CALM3: variants seen among roughly 807,000 people sequenced by gnomAD.
CALM3 encodes the protein calmodulin 3.
Under a neutral mutation model 20.1 loss-of-function variants are expected in CALM3, and 5 were observed. That is an observed-to-expected ratio of 0.25 (90% CI 0.13 to 0.52). The LOEUF (loss-of-function observed/expected upper bound fraction) is 0.52, where lower values mean the gene tolerates loss of function less well. Ranked by LOEUF, CALM3 falls within the 20% of genes least tolerant of loss-of-function variation. CALM3 has a pLI of 0.96. For missense variants in CALM3, 57 were observed against 192.8 expected (o/e 0.30, Z 4.17); for synonymous variants, 69 against 68.1 (o/e 1.01, Z -0.06).
In CALM3 at chr19:46,610,180, G is replaced by GGCCAGCTGTCCC. The variant is rs1214347571; in HGVS notation, c.*1035_*1036insTCCCGCCAGCTG. On this transcript the variant is annotated 3_prime_UTR_variant, in exon 6 of 6. Transcript: ENST00000291295. Reference sequence around the variant, plus strand: ...GCACCTGCAATAAAACAGTCTTGTCGGCCAGCTGCCCAGGGGACGGCAGCT... The same window carrying GGCCAGCTGTCCC: ...GCACCTGCAATAAAACAGTCTTGTCGGCCAGCTGTCCCGCCAGCTGCCCAGGGGACGGCAGCT... 2 of 152,482 alleles carry GGCCAGCTGTCCC rather than the reference G, an allele frequency of 1.3e-5. No individual in the cohort carries two copies. Among genetic ancestry groups the GGCCAGCTGTCCC allele is most frequent in the Admixed American group, 1.3e-4 (2 of 15,266 alleles). The allele number at this position is 152,482 out of a possible 1,614,324, so 9.4% of individuals were successfully genotyped here.
Position 46,608,697 on chromosome 19 carries a change from C to A in CALM3, c.285+109C>A. On this transcript the variant is annotated intron_variant, in intron 4 of 5. Coordinates refer to ENST00000291295, the MANE Select transcript of CALM3 (RefSeq NM_005184.4). This position sits in a 1 kb window ranked among gnomAD's most constrained non-coding sequence, Gnocchi z 5.5. Reference sequence around the variant, plus strand: ...CTTCCAGGAGGTCCGGGTCCCGGTGCCAGCCTCATTGCCAACCTGCTCTGC... The same window carrying A: ...CTTCCAGGAGGTCCGGGTCCCGGTGACAGCCTCATTGCCAACCTGCTCTGC... 2 of 1,257,264 alleles carry A rather than the reference C, an allele frequency of 1.6e-6. No homozygotes were observed. The highest frequency in any genetic ancestry group is 2.2e-6 in the Non-Finnish European group (2 of 891,316). 77.9% of individuals were successfully genotyped at this position (1,257,264 alleles called of 1,614,324 possible).
chr19:46,601,074 G>GCGGCGAGGGAAAGTAGTC, upstream of CALM3: 2 of 1,238,244 alleles, frequency 1.6e-6, no homozygotes, highest in Non-Finnish European at 2.2e-6. The surrounding 1 kb of genome is among the most constrained non-coding windows in gnomAD (Gnocchi z 4.2). Context: ...GGCGGGGCGC[G>GCGGCGAGGGAAAGTAGTC]CGGCGAGGGA....
upstream of CALM3, chr19:46,601,106 G>A: frequency 2.2e-6 from 2 of 906,236 alleles, no homozygotes; most frequent in Non-Finnish European, 1.6e-6. This position sits in a 1 kb window ranked among gnomAD's most constrained non-coding sequence, Gnocchi z 4.2. Flanking sequence ...CGACGGGAGC[G>A]AGCGCGCGCG....
rs1971623195 is a variant in CALM3 at position 46,601,789 on chromosome 19, T to G, written c.3+352T>G. The stretch of plus-strand genomic sequence containing the variant: ...GGGGCGTTGGGTTTCAGGATGGAGG[T>G]GTTTGGACCCCAGGGGACGAAATAA... On this transcript the variant is annotated intron_variant, in intron 1 of 5. Transcript: ENST00000291295. The surrounding 1 kb of genome is among the most constrained non-coding windows in gnomAD (Gnocchi z 4.2). Among the ~76,000 whole-genome samples the G allele has an allele frequency of 6.6e-6, 1 of 151,224 alleles. No homozygotes were observed. Among genetic ancestry groups the G allele is most frequent in the Admixed American group, 6.6e-5 (1 of 15,214 alleles).
Position 46,605,686 on chromosome 19 carries a change from G to A in CALM3, c.4-141G>A, listed in dbSNP as rs1971727501. 17 of 737,394 alleles carry A rather than the reference G, an allele frequency of 2.3e-5. No individual in the cohort carries two copies. The South Asian group carries it at 2.7e-4, about 12-fold the overall frequency. The allele number at this position is 737,394 out of a possible 1,614,324, so 45.7% of individuals were successfully genotyped here. On this transcript the variant is annotated intron_variant, in intron 1 of 5. Transcript: ENST00000291295. The surrounding 1 kb of genome is among the most constrained non-coding windows in gnomAD (Gnocchi z 4.1). ...AGGCGCTGGCTCTGCCTCAGACCCT[G>A]ACTCTGGCATGCTCCTCCCTGGCCC...
Position 46,608,615 on chromosome 19 carries a change from C to T in CALM3, c.285+27C>T. ...TAAGCAGCCCTCTCCAGGGGCGGCTCTGAGACTGACGCCAGCCTTCAGGCA... is the reference window on the plus strand; with the variant it reads ...TAAGCAGCCCTCTCCAGGGGCGGCTTTGAGACTGACGCCAGCCTTCAGGCA... On this transcript the variant is annotated intron_variant, in intron 4 of 5. Coordinates refer to ENST00000291295, the MANE Select transcript of CALM3 (RefSeq NM_005184.4). The surrounding 1 kb of genome is among the most constrained non-coding windows in gnomAD (Gnocchi z 5.5). The T allele has an allele frequency of 1.3e-6, 2 of 1,554,030 alleles. No individual in the cohort carries two copies. Among genetic ancestry groups the T allele is most frequent in the Non-Finnish European group, 1.8e-6 (2 of 1,125,926 alleles).
At chr19:46,606,454 A>G (rs1396202149) in intron 2 of CALM3, 1 of 152,170 alleles carries the variant, frequency 6.6e-6, no homozygotes, top group African/African-American at 2.4e-5. Flanking sequence ...ACTCTCCTTC[A>G]CATCACTTTA....
intron 2 of CALM3, among the ~76,000 whole-genome samples, chr19:46,607,617 T>C (rs1971770236): frequency 6.6e-6 from 1 of 152,174 alleles, no homozygotes; most frequent in African/African-American, 2.4e-5. Flanking sequence ...CATGTTCTGC[T>C]GCCGACCACC....
rs766718548 is a variant in CALM3, at chr19:46,609,171, G to A, written c.*18G>A. On this transcript the variant is annotated 3_prime_UTR_variant, in exon 6 of 6. Transcript: ENST00000291295. ...CAAAGTGAAGGCCCCCCGGGCAGCTGGCGATGCCCGTTCTCTTGATCTCTC... is the reference window on the plus strand; with the variant it reads ...CAAAGTGAAGGCCCCCCGGGCAGCTAGCGATGCCCGTTCTCTTGATCTCTC... 2.5e-6 allele frequency: 4 copies of A among 1,613,070 alleles called. No individual in the cohort carries two copies. The highest frequency in any genetic ancestry group is 2.2e-5 in the South Asian group (2 of 90,922).
At position 46,601,369 on chromosome 19, in the gene CALM3, T is replaced by TA; in HGVS notation, c.-66_-65insA. The TA allele has an allele frequency of 7.0e-7, 1 of 1,434,100 alleles. No individual in the cohort carries two copies. Among genetic ancestry groups the TA allele is most frequent in the African/African-American group, 1.5e-5 (1 of 66,544 alleles). The allele number at this position is 1,434,100 out of a possible 1,614,324, so 88.8% of individuals were successfully genotyped here. ...CGCGGACGCGCGGCGGAGCTGGAAC[T>TA]GCTGCAGCTGCTGCCGCCGCCGGAG... On this transcript the variant is annotated 5_prime_UTR_variant, in exon 1 of 6. Coordinates refer to ENST00000291295, the MANE Select transcript of CALM3 (RefSeq NM_005184.4). This position sits in a 1 kb window ranked among gnomAD's most constrained non-coding sequence, Gnocchi z 4.2.
chr19:46,606,044 C>A (rs1220870737), intron 2 of CALM3, 187 bp downstream of exon 2: 3 of 584,658 alleles, frequency 5.1e-6, no homozygotes, highest in Admixed American at 2.8e-5. Context: ...TGACACGAAG[C>A]CCCATGGCCC....
intron 1 of CALM3, among the ~76,000 whole-genome samples, chr19:46,603,425 C>T (rs891767106): frequency 3.9e-5 from 6 of 152,218 alleles, no homozygotes; most frequent in African/African-American, 7.2e-5. Context: ...CTCCTTGGCC[C>T]GGGTGAGGGG....
In CALM3 at chr19:46,609,231, C is replaced by T; in HGVS notation, c.*78C>T. 1 of 1,295,492 alleles carries T rather than the reference C, an allele frequency of 7.7e-7. No individual in the cohort carries two copies. Among genetic ancestry groups the T allele is most frequent in the Non-Finnish European group, 1.1e-6 (1 of 905,634 alleles). 80.2% of individuals were successfully genotyped at this position (1,295,492 alleles called of 1,614,324 possible). A position where few individuals can be genotyped will look rare whatever the true frequency, so the allele number is the denominator to read the frequency against. On this transcript the variant is annotated 3_prime_UTR_variant, in exon 6 of 6. Transcript: ENST00000291295. ...GCGCGCACTCTCTCTTCAACACTCC[C>T]CTGCGTACCCCGGTTCTAGCAAACA...
In CALM3 at chr19:46,605,760, C is replaced by T. The variant is rs1450737564; in HGVS notation, c.4-67C>T. ...GCCTCACTGGGGCCGAGGGTCTGGG[C>T]TGAGTGAGGAAGATGCGTCCGTGCT... is the stretch of plus-strand genomic sequence containing the variant. On this transcript the variant is annotated intron_variant, in intron 1 of 5. Coordinates refer to ENST00000291295, the MANE Select transcript of CALM3 (RefSeq NM_005184.4). The surrounding 1 kb of genome is among the most constrained non-coding windows in gnomAD (Gnocchi z 4.1). The T allele has an allele frequency of 6.5e-7, 1 of 1,545,750 alleles. No homozygotes were observed. The highest frequency in any genetic ancestry group is 8.9e-7 in the Non-Finnish European group (1 of 1,118,546).
chr19:46,601,121 C>A, upstream of CALM3: 1 of 772,984 alleles, frequency 1.3e-6, no homozygotes, highest in Non-Finnish European at 2.0e-6. The surrounding 1 kb of genome is among the most constrained non-coding windows in gnomAD (Gnocchi z 4.2). Flanking sequence ...CGCGCGCGCC[C>A]GGCGGCAAAC....
At position 46,608,393 on chromosome 19, in the gene CALM3, T is replaced by C; in HGVS notation, c.178+53T>C. On this transcript the variant is annotated intron_variant, in intron 3 of 5. Transcript: ENST00000291295. This position sits in a 1 kb window ranked among gnomAD's most constrained non-coding sequence, Gnocchi z 5.5. ...CCTGCTCCTGGTCACCCCGAGTGACTGCAGGGAGCCTCTCTCAGGGTGATG... is the reference window on the plus strand; with the variant it reads ...CCTGCTCCTGGTCACCCCGAGTGACCGCAGGGAGCCTCTCTCAGGGTGATG... 1 of 1,610,718 alleles carries C rather than the reference T, an allele frequency of 6.2e-7. No individual in the cohort carries two copies. The highest frequency in any genetic ancestry group is 1.3e-5 in the African/African-American group (1 of 74,974).
At chr19:46,609,055 CTTG>C in intron 5 of CALM3, 67 bp from the exon 6 acceptor site, 1 of 1,613,096 alleles carries the variant, frequency 6.2e-7, no homozygotes. Flanking sequence ...CCAGATCCCT[CTTG>C]TTGGGGAGGG....
At chr19:46,606,242 G>T (rs1185619739) in intron 2 of CALM3, 1 of 206,070 alleles carries the variant, frequency 4.9e-6, no homozygotes, top group Admixed American at 5.9e-5. Context: ...TTTAGGAGCC[G>T]CCCAGGAGCT....
At chr19:46,601,276 G>A (rs888790778), upstream of CALM3, 3 of 543,206 alleles carry the variant, frequency 5.5e-6, no homozygotes, top group African/African-American at 2.1e-5. The surrounding 1 kb of genome is among the most constrained non-coding windows in gnomAD (Gnocchi z 4.2). Context: ...CGCGGCGGCC[G>A]TTGAGGGACC....
Sources: allele counts gnomAD v4.1 joint callset (sites outside exome capture counted in the v4.1 genomes callset), GRCh38; gene constraint gnomAD v4.1.1; non-coding constraint Gnocchi (gnomAD v3.1); transcripts MANE v1.5; gene names NCBI Gene and HGNC (gene_info 2026-07-23, HGNC 2026-07-21).